LAMA2: variants seen among roughly 807,000 people sequenced by gnomAD.
LAMA2 encodes the protein laminin subunit alpha-2.
Under a neutral mutation model 364.8 loss-of-function variants are expected in LAMA2, and 269 were observed. The ratio of observed to expected loss-of-function variants is 0.74; its 90% confidence interval spans 0.67 to 0.82. The LOEUF is 0.82. Among genes scored for constraint, LAMA2 ranks in the 40% least tolerant of loss-of-function variants. The pLI, the probability that LAMA2 is intolerant of heterozygous loss-of-function variation, is 0.00. For synonymous variants in LAMA2, 1,379 were observed against 1,370.6 expected (o/e 1.01, Z -0.14); for missense variants, 3,807 against 3,873.2 (o/e 0.98, Z 0.45).
At chr6:128,930,057 G>A (rs1187043607) in intron 1 of LAMA2, 6 of 378,010 alleles carry the variant, frequency 1.6e-5, no homozygotes, top group Non-Finnish European at 9.6e-6. Context: ...CCGCAGCCCT[G>A]CAGGGCCGGC....
rs546897381 is a variant in LAMA2, at chr6:129,245,518, G to A, written c.1783-4594G>A. 3.0e-4 allele frequency among the ~76,000 whole-genome samples: 46 copies of A among 152,170 alleles called. No homozygotes were observed. In the South Asian group the frequency reaches 5.2e-3, roughly 17 times the overall value. On this transcript the variant is annotated intron_variant, in intron 12 of 64. Transcript: ENST00000421865. ...AGATGTTCAATTTTATGAAAGACTC[G>A]TAAAATTAATAAATGAGTCTGCAAA...
intron 1 of LAMA2, among the ~76,000 whole-genome samples, chr6:128,936,620 A>T (rs13218494): frequency 0.07 from 10,677 of 152,214 alleles, 453 homozygotes; most frequent in South Asian, 0.12. Flanking sequence ...ACAGCAAGAG[A>T]TTAACAACAA....
At chr6:129,073,838 G>A (rs927180004) in intron 3 of LAMA2, among the ~76,000 whole-genome samples, 10 of 152,154 alleles carry the variant, frequency 6.6e-5, no homozygotes, top group African/African-American at 2.4e-4. Flanking sequence ...ACAACTGGGA[G>A]TCTGTTTCTA....
intron 48 of LAMA2, among the ~76,000 whole-genome samples, chr6:129,456,744 T>C (rs1329286488): frequency 6.6e-6 from 1 of 152,166 alleles, no homozygotes; most frequent in African/African-American, 2.4e-5. Context: ...GTGGCATCAG[T>C]TTTTTGTATA....
chr6:129,464,221 A>G (rs1461768631), intron 49 of LAMA2, 69 bp from the exon 50 acceptor site: 4 of 1,301,334 alleles, frequency 3.1e-6, no homozygotes, highest in Middle Eastern at 2.1e-4. Context: ...ATTGCTATTC[A>G]GTGATGCATT....
At chr6:129,009,360 A>G (rs1028740653) in intron 1 of LAMA2, among the ~76,000 whole-genome samples, 2 of 152,136 alleles carry the variant, frequency 1.3e-5, no homozygotes, top group African/African-American at 4.8e-5. Context: ...TGTTTTTTCA[A>G]AAAAGCTTCA....
chr6:129,026,844 C>T (rs1390797954), intron 1 of LAMA2, among the ~76,000 whole-genome samples: 1 of 152,102 alleles, frequency 6.6e-6, no homozygotes, highest in East Asian at 1.9e-4. Flanking sequence ...AAGAAGTCTA[C>T]TGTGTACCAA....
chr6:128,950,779 CACAT>C (rs1321955127), intron 1 of LAMA2, among the ~76,000 whole-genome samples: 2 of 151,966 alleles, frequency 1.3e-5, no homozygotes, highest in Non-Finnish European at 1.5e-5. Context: ...TTTATTAACA[CACAT>C]ATATAATCTG....
At chr6:129,220,661 T>C (rs1760794287) in intron 12 of LAMA2, among the ~76,000 whole-genome samples, 1 of 152,190 alleles carries the variant, frequency 6.6e-6, no homozygotes, top group Non-Finnish European at 1.5e-5. Context: ...TGTCATACTT[T>C]CCAAATAGTT....
At chr6:129,490,535 A>G (rs1341644314) in intron 56 of LAMA2, 1 of 152,224 alleles carries the variant, frequency 6.6e-6, no homozygotes, top group Non-Finnish European at 1.5e-5. Context: ...CTCCTTGGAC[A>G]ATCTTTAACA....
At chr6:129,014,290 T>G (rs1784948156) in intron 1 of LAMA2, among the ~76,000 whole-genome samples, 1 of 152,190 alleles carries the variant, frequency 6.6e-6, no homozygotes, top group South Asian at 2.1e-4. Flanking sequence ...TCCTGTGTAT[T>G]TTTTACACTG....
intron 1 of LAMA2, chr6:128,905,535 G>C (rs1231591743): frequency 6.6e-6 from 1 of 152,080 alleles, no homozygotes; most frequent in African/African-American, 2.4e-5. Context: ...AAGATATTTA[G>C]AGTATGATAT....
At chr6:128,958,126 G>A (rs1382098131) in intron 1 of LAMA2, among the ~76,000 whole-genome samples, 2 of 151,798 alleles carry the variant, frequency 1.3e-5, no homozygotes, top group African/African-American at 4.8e-5. Context: ...ATTCATAGAA[G>A]CAGAAATAAG....
chr6:129,306,440 T>G (rs543430823), intron 22 of LAMA2, among the ~76,000 whole-genome samples: 15 of 151,260 alleles, frequency 9.9e-5, no homozygotes, highest in African/African-American at 3.6e-4. Flanking sequence ...TCTTTTTGTG[T>G]GTTTAATAAT....
chr6:129,219,028 T>A (rs1256628289), intron 12 of LAMA2, among the ~76,000 whole-genome samples: 1 of 152,168 alleles, frequency 6.6e-6, no homozygotes, highest in Admixed American at 6.6e-5. Flanking sequence ...TTGTATAAGT[T>A]TGAGTTAAGA....
chr6:128,978,553 T>A (rs1263689687), intron 1 of LAMA2, among the ~76,000 whole-genome samples: 1 of 152,022 alleles, frequency 6.6e-6, no homozygotes, highest in African/African-American at 2.4e-5. Flanking sequence ...CTTGACCTCA[T>A]GATCTGCATG....
intron 4 of LAMA2, among the ~76,000 whole-genome samples, chr6:129,123,489 T>G (rs1433933687): frequency 2.6e-5 from 4 of 152,218 alleles, no homozygotes; most frequent in Middle Eastern, 3.4e-3. Context: ...CCTAAATATC[T>G]GTTGACAGAT....
At chr6:129,104,717 T>C (rs1252994365) in intron 4 of LAMA2, among the ~76,000 whole-genome samples, 1 of 152,180 alleles carries the variant, frequency 6.6e-6, no homozygotes. Context: ...TGGCTTTGTT[T>C]GTTACTCCAG....
chr6:128,946,333 T>A (rs1178508009), intron 1 of LAMA2, among the ~76,000 whole-genome samples: 1 of 152,192 alleles, frequency 6.6e-6, no homozygotes, highest in Non-Finnish European at 1.5e-5. Context: ...AACACTCACA[T>A]TAGCCCACAG....
Sources: gnomAD v4.1 joint callset for allele counts (sites outside exome capture counted in the v4.1 genomes callset) on GRCh38, gnomAD v4.1.1 for gene constraint, MANE v1.5 for transcripts, NCBI Gene and HGNC (gene_info 2026-07-23, HGNC 2026-07-21) for gene names.